The following NRG2 variants were observed in gnomAD, a reference collection of about 807,000 sequenced individuals.
The protein encoded by NRG2 is neuregulin 2, also known as pro-neuregulin-2, membrane-bound isoform.
In NRG2, 27 loss-of-function variants were observed where a neutral mutation model predicts 73.9. The ratio of observed to expected loss-of-function variants is 0.37; its 90% CI spans 0.27 to 0.50. The LOEUF (loss-of-function observed/expected upper bound fraction) is 0.50. Ranked by LOEUF, NRG2 falls within the 20% of genes least tolerant of loss-of-function variation. NRG2 has a pLI of 0.96. For missense variants in NRG2, 1,126 were observed against 1,210.1 expected (o/e 0.93, Z 1.03); for synonymous variants, 532 against 541.0 (o/e 0.98, Z 0.23).
intron 4 of NRG2, among the ~76,000 whole-genome samples, chr5:139,866,976 C>A (rs1458968301): frequency 6.6e-6 from 1 of 152,218 alleles, no homozygotes; most frequent in Non-Finnish European, 1.5e-5. Context: ...GTCTATATTG[C>A]CTCTGCATCT....
chr5:139,848,655 C>T lies in NRG2; in HGVS notation c.1815G>A (p.Val605=). 6.4e-7 allele frequency: 1 copy of T among 1,571,740 alleles called. No homozygotes were observed. The highest frequency in any genetic ancestry group is 8.6e-7 in the Non-Finnish European group (1 of 1,168,422). ...GCGTGGCCAGCGAGTAGTGGAAGTC[C>T]ACGGGCGAGAGGCGCGCGGGCGTGG... ...ALTTPARLSP[V]DFHYSLATQV... is the part of the protein sequence containing the mutation. Residue 605 remains valine (V), a synonymous_variant, in exon 10 of 10, where the codon GTG becomes GTA. Coordinates refer to ENST00000361474, the MANE Select transcript of NRG2 (RefSeq NM_004883.3).
rs571977917 is a variant in NRG2 at position 140,002,292 on chromosome 5, C to A, written c.700+40078G>T. Among the ~76,000 whole-genome samples, 60 of 152,188 alleles carry A rather than the reference C, an allele frequency of 3.9e-4. 2 individuals are homozygous for A. The South Asian group carries it at 0.012, about 30-fold the overall frequency. The stretch of plus-strand genomic sequence containing the variant: ...AATTCTAGTGGAAAGAGGTAAACAT[C>A]ATTTATAAGAAAAGTTGGTAAAATA... On this transcript the variant is annotated intron_variant, in intron 1 of 9. Transcript: ENST00000361474.
intron 1 of NRG2, among the ~76,000 whole-genome samples, chr5:139,998,753 C>T (rs1206580952): frequency 4.6e-5 from 2 of 43,446 alleles, no homozygotes; most frequent in Non-Finnish European, 8.3e-5. Context: ...CAAACAAACA[C>T]TATCTACCAT....
intron 4 of NRG2, among the ~76,000 whole-genome samples, chr5:139,867,943 A>G (rs1006495580): frequency 1.1e-5 from 1 of 89,876 alleles, no homozygotes; most frequent in Admixed American, 9.5e-5. Flanking sequence ...TTGGAGAACA[A>G]TGATAACAAT....
intron 1 of NRG2, among the ~76,000 whole-genome samples, chr5:139,907,564 C>T (rs1765312058): frequency 1.3e-5 from 2 of 152,112 alleles, no homozygotes; most frequent in South Asian, 4.2e-4. Flanking sequence ...GGATTGCAGC[C>T]AGATGAAGAC....
chr5:140,041,222 C>A (rs1761891333), intron 1 of NRG2, among the ~76,000 whole-genome samples: 1 of 152,204 alleles, frequency 6.6e-6, no homozygotes, highest in African/African-American at 2.4e-5. Flanking sequence ...GGACATCTAT[C>A]ATAATTCAGC....
intron 1 of NRG2, among the ~76,000 whole-genome samples, chr5:140,016,397 T>C (rs1489215988): frequency 6.6e-6 from 1 of 152,228 alleles, no homozygotes; most frequent in Non-Finnish European, 1.5e-5. Context: ...TCTAAATCAA[T>C]AGTTTGGGAA....
chr5:139,986,532 C>T lies in NRG2; in HGVS notation c.700+55838G>A, dbSNP rs528927106. 4.6e-5 allele frequency among the ~76,000 whole-genome samples: 7 copies of T among 152,244 alleles called. No homozygotes were observed. In the South Asian group the frequency reaches 1.2e-3, roughly 27 times the overall value. ...TTTTTTAGATGAGCAGGGAGAAATCCGGCAAGTCATATTAATTGGTAACAA... is the reference window on the plus strand; with the variant it reads ...TTTTTTAGATGAGCAGGGAGAAATCTGGCAAGTCATATTAATTGGTAACAA... On this transcript the variant is annotated intron_variant, in intron 1 of 9. Transcript: ENST00000361474.
intron 1 of NRG2, among the ~76,000 whole-genome samples, chr5:139,940,834 T>A (rs1014223867): frequency 2.6e-5 from 4 of 152,034 alleles, no homozygotes; most frequent in Admixed American, 6.6e-5. Context: ...TTTTTTGCCA[T>A]GTACATTTAA....
intron 1 of NRG2, among the ~76,000 whole-genome samples, chr5:140,006,737 T>G (rs1001040625): frequency 5.9e-5 from 9 of 152,206 alleles, no homozygotes; most frequent in Admixed American, 2.0e-4. Flanking sequence ...ACCTTAAAAC[T>G]TATTATCTCT....
intron 1 of NRG2, among the ~76,000 whole-genome samples, chr5:139,944,189 C>G (rs939831330): frequency 6.6e-6 from 1 of 152,070 alleles, no homozygotes; most frequent in Non-Finnish European, 1.5e-5. Flanking sequence ...TCAACACATA[C>G]AAGGTATGGT....
In NRG2 at chr5:139,870,857, C is replaced by T. The variant is rs560404275; in HGVS notation, c.1112+864G>A. 6.4e-4 allele frequency among the ~76,000 whole-genome samples: 97 copies of T among 152,326 alleles called. No homozygotes were observed. The highest frequency in any genetic ancestry group is 1.0e-3 in the Non-Finnish European group (70 of 68,012). On this transcript the variant is annotated intron_variant, in intron 4 of 9. Transcript: ENST00000361474. This position sits in a 1 kb window ranked among gnomAD's most constrained non-coding sequence, Gnocchi z 4.4. Reference sequence around the variant, plus strand: ...CCCAGAAGATCTGGCTGGGCCTGAACGAGCCCTCCCTGACAGCCTCTCTCC... The same window carrying T: ...CCCAGAAGATCTGGCTGGGCCTGAATGAGCCCTCCCTGACAGCCTCTCTCC...
chr5:139,871,343 G>C (rs1762836088), intron 4 of NRG2, among the ~76,000 whole-genome samples: 1 of 152,308 alleles, frequency 6.6e-6, no homozygotes, highest in Non-Finnish European at 1.5e-5. Context: ...GTTGCTGAGA[G>C]ATGGGGAGGA....
chr5:139,943,557 G>C (rs1753568481), intron 1 of NRG2, among the ~76,000 whole-genome samples: 1 of 152,144 alleles, frequency 6.6e-6, no homozygotes, highest in Non-Finnish European at 1.5e-5. Flanking sequence ...TGTGATAAAT[G>C]TTAAGTGTTT....
intron 1 of NRG2, among the ~76,000 whole-genome samples, chr5:139,929,714 TC>T (rs1752321292): frequency 6.6e-6 from 1 of 152,036 alleles, no homozygotes; most frequent in Non-Finnish European, 1.5e-5. Context: ...CAGGATTGCT[TC>T]CCCCCTTGGT....
intron 1 of NRG2, among the ~76,000 whole-genome samples, chr5:139,963,324 C>T (rs80236791): frequency 1.3e-5 from 2 of 152,216 alleles, no homozygotes; most frequent in Admixed American, 1.3e-4. Flanking sequence ...CCCTCCTTAT[C>T]TATCCTGACA....
chr5:140,019,106 A>G (rs1760017709), intron 1 of NRG2, among the ~76,000 whole-genome samples: 2 of 152,164 alleles, frequency 1.3e-5, no homozygotes, highest in Non-Finnish European at 2.9e-5. Flanking sequence ...AAAAATAAAC[A>G]CAGCTCTGGG....
intron 1 of NRG2, among the ~76,000 whole-genome samples, chr5:140,010,275 G>A (rs974449625): frequency 6.6e-6 from 1 of 151,878 alleles, no homozygotes; most frequent in African/African-American, 2.4e-5. Context: ...TCCAGCCTGA[G>A]TGACACAGCG....
intron 1 of NRG2, among the ~76,000 whole-genome samples, chr5:139,918,689 G>C (rs1196661377): frequency 1.3e-5 from 2 of 152,186 alleles, no homozygotes; most frequent in Non-Finnish European, 2.9e-5. Flanking sequence ...GATTTGGATT[G>C]CCAGCAGGAA....
Sources: gnomAD v4.1 joint callset for allele counts (sites outside exome capture counted in the v4.1 genomes callset) on GRCh38, gnomAD v4.1.1 for gene constraint, Gnocchi (gnomAD v3.1) non-coding constraint, MANE v1.5 for transcripts, NCBI Gene and HGNC (gene_info 2026-07-23, HGNC 2026-07-21) for gene names.